Variants in DISC1 observed in about 807,000 individuals in gnomAD.
DISC1 encodes DISC1 scaffold protein.
DISC1 carries 57 observed loss-of-function variants against 84.5 expected under a neutral mutation model. The observed-to-expected ratio is 0.67, with a 90% CI of 0.55 to 0.84. DISC1 has a LOEUF of 0.84. Among genes scored for constraint, DISC1 ranks in the 40% least tolerant of loss-of-function variants. The probability of loss-of-function intolerance (pLI) is 0.00; values close to 1 mark genes in which losing one functional copy is unlikely to be tolerated. For missense variants in DISC1, 1,000 were observed against 1,057.8 expected, an observed-to-expected ratio of 0.95 and a Z score of 0.76; for synonymous variants, 411 against 415.2, an observed-to-expected ratio of 0.99 and a Z score of 0.12.
intron 10 of DISC1, among the ~76,000 whole-genome samples, chr1:231,966,112 TC>T (rs1242575698): frequency 1.3e-5 from 2 of 152,258 alleles, no homozygotes; most frequent in Non-Finnish European, 2.9e-5. Context: ...TTTATCTTGT[TC>T]CTCCTTGGAA....
intron 6 of DISC1, among the ~76,000 whole-genome samples, chr1:231,791,081 G>A (rs1350218326): frequency 6.6e-6 from 1 of 152,190 alleles, no homozygotes. Context: ...GCACATTCAT[G>A]TCAGTAGTCT....
chr1:231,693,758 C>T (rs569821638), intron 1 of DISC1, 68 bp from the exon 2 acceptor site: 2 of 1,608,008 alleles, frequency 1.2e-6, no homozygotes, highest in Non-Finnish European at 1.7e-6. Flanking sequence ...GGATGTTCTC[C>T]AGATGCAGTT....
intron 3 of DISC1, among the ~76,000 whole-genome samples, chr1:231,703,136 A>G (rs2066614630): frequency 6.6e-6 from 1 of 152,342 alleles, no homozygotes; most frequent in East Asian, 1.9e-4. Flanking sequence ...ATGCTGTTGC[A>G]TGTTCTCATT....
At chr1:232,024,063 G>GTATATA (rs34010914) in intron 11 of DISC1, among the ~76,000 whole-genome samples, 2 of 148,822 alleles carry the variant, frequency 1.3e-5, no homozygotes, top group Non-Finnish European at 3.0e-5. Context: ...GTGTATGTGT[G>GTATATA]TATATATATA....
At chr1:231,974,916 T>C (rs1334260573) in intron 10 of DISC1, among the ~76,000 whole-genome samples, 1 of 152,050 alleles carries the variant, frequency 6.6e-6, no homozygotes. Flanking sequence ...CTGGCTAACA[T>C]GGTGAAACCC....
chr1:231,677,986 C>A (rs76140916), intron 1 of DISC1, among the ~76,000 whole-genome samples: 224 of 151,570 alleles, frequency 1.5e-3, no homozygotes, highest in African/African-American at 5.0e-3. Flanking sequence ...AAAAAAAAAA[C>A]CAACCAAAAA....
chr1:231,750,253 G>A lies in DISC1; in HGVS notation c.1268+177G>A, dbSNP rs1275679418. 8.5e-6 allele frequency: 12 copies of A among 1,409,828 alleles called. No individual in the cohort carries two copies. The Admixed American group carries it at 2.2e-4, about 25-fold the overall frequency. 87.3% of individuals were successfully genotyped at this position (1,409,828 alleles called of 1,614,324 possible). ...TTCCAGAGTGAGAGATGGCCCATGTGGGTCATGCATCTCTAGAAAGAAGAC... is the reference window on the plus strand; with the variant it reads ...TTCCAGAGTGAGAGATGGCCCATGTAGGTCATGCATCTCTAGAAAGAAGAC... On this transcript the variant is annotated intron_variant, in intron 4 of 12. Transcript: ENST00000439617.
At chr1:231,702,411 T>C (rs2066536478) in intron 3 of DISC1, 1 of 999,874 alleles carries the variant, frequency 1.0e-6, no homozygotes, top group South Asian at 4.4e-5. Context: ...AAGACAGACA[T>C]GGTATCTGCC....
At chr1:231,960,837 G>A (rs1445285531) in intron 10 of DISC1, among the ~76,000 whole-genome samples, 2 of 152,250 alleles carry the variant, frequency 1.3e-5, no homozygotes, top group African/African-American at 4.8e-5. Context: ...CCAATGGCAA[G>A]CCCAGGTTGT....
intron 9 of DISC1, among the ~76,000 whole-genome samples, chr1:231,881,099 T>TA (rs1419642255): frequency 3.3e-5 from 5 of 151,540 alleles, no homozygotes; most frequent in Admixed American, 1.3e-4. Context: ...GAATTTTATT[T>TA]AAAAAAAGTT....
At chr1:232,017,786 G>A (rs1572648946) in intron 11 of DISC1, among the ~76,000 whole-genome samples, 1 of 152,276 alleles carries the variant, frequency 6.6e-6, no homozygotes, top group East Asian at 1.9e-4. Context: ...GAGACCTAAA[G>A]GGTAACTGCC....
In DISC1 at chr1:231,838,487, C is replaced by A. The variant is rs59502578; in HGVS notation, c.1981+19970C>A. Among the ~76,000 whole-genome samples the A allele has an allele frequency of 2.9e-3, 444 of 152,274 alleles. 3 individuals carry two copies. The highest frequency in any genetic ancestry group is 0.021 in the South Asian group (99 of 4,826). ...TGTGACACATAAGCGGAGAAAAAAA[C>A]CCCCTCCATGCTTATGTAAATAGGA... On this transcript the variant is annotated intron_variant, in intron 9 of 12. Coordinates refer to ENST00000439617, the MANE Select transcript of DISC1 (RefSeq NM_018662.3).
intron 12 of DISC1, among the ~76,000 whole-genome samples, chr1:232,035,353 G>A (rs1298345864): frequency 1.3e-5 from 2 of 152,184 alleles, no homozygotes; most frequent in East Asian, 1.9e-4. Context: ...GCTGAGGCAG[G>A]AGAATCACTT....
intron 5 of DISC1, 24 bp downstream of exon 5, chr1:231,767,293 G>C: frequency 6.2e-7 from 1 of 1,613,976 alleles, no homozygotes; most frequent in Non-Finnish European, 8.5e-7. Flanking sequence ...AGATCTTCAA[G>C]AAATATGATG....
chr1:231,779,342 CT>C (rs2077198478), intron 6 of DISC1, among the ~76,000 whole-genome samples: 1 of 152,110 alleles, frequency 6.6e-6, no homozygotes. Context: ...TTTAGAGACA[CT>C]TGAGTGCCTT....
chr1:231,857,320 G>A (rs964027191), intron 9 of DISC1, among the ~76,000 whole-genome samples: 1 of 152,170 alleles, frequency 6.6e-6, no homozygotes, highest in East Asian at 1.9e-4. Context: ...CACACATTTC[G>A]AAGTCATGTG....
At chr1:231,975,876 T>G (rs2102846024) in intron 10 of DISC1, among the ~76,000 whole-genome samples, 1 of 152,324 alleles carries the variant, frequency 6.6e-6, no homozygotes, top group Middle Eastern at 3.4e-3. Context: ...ATGGGTACAA[T>G]GTACATAATT....
At chr1:231,855,503 C>T in intron 9 of DISC1, 1 of 872,084 alleles carries the variant, frequency 1.1e-6, no homozygotes, top group Non-Finnish European at 1.4e-6. Context: ...TGAAATCCCA[C>T]TTCTCTTTTT....
intron 10 of DISC1, among the ~76,000 whole-genome samples, chr1:231,982,680 G>A (rs974908101): frequency 1.3e-5 from 2 of 151,500 alleles, no homozygotes; most frequent in Non-Finnish European, 2.9e-5. Flanking sequence ...AGCGACTTAG[G>A]GGAAACACTC....
Sources: gnomAD v4.1 joint callset for allele counts (sites outside exome capture counted in the v4.1 genomes callset) on GRCh38, gnomAD v4.1.1 for gene constraint, MANE v1.5 for transcripts, NCBI Gene and HGNC (gene_info 2026-07-23, HGNC 2026-07-21) for gene names.